RNF115: variants seen among roughly 807,000 people sequenced by gnomAD.
RNF115 encodes the protein ring finger protein 115, also known as E3 ubiquitin-protein ligase RNF115.
Under a neutral mutation model 39.2 loss-of-function variants are expected in RNF115, and 31 were observed. The ratio of observed to expected loss-of-function variants is 0.79; its 90% CI spans 0.59 to 1.07. RNF115 has a LOEUF of 1.07. RNF115 is among the 50% of genes least tolerant of loss of function. The pLI is 0.00. For missense variants in RNF115, 384 were observed against 381.7 expected, an observed-to-expected ratio of 1.01 and a Z score of -0.05; for synonymous variants, 124 against 131.0, an observed-to-expected ratio of 0.95 and a Z score of 0.37.
intron 4 of RNF115, among the ~76,000 whole-genome samples, chr1:145,759,396 T>C (rs1009630146): frequency 6.6e-6 from 1 of 152,208 alleles, no homozygotes; most frequent in African/African-American, 2.4e-5. Context: ...TTACTCCTCC[T>C]AATGTTCCCC....
chr1:145,820,433 G>A (rs1650184465), intron 1 of RNF115, among the ~76,000 whole-genome samples: 2 of 150,988 alleles, frequency 1.3e-5, no homozygotes, highest in African/African-American at 2.4e-5. Flanking sequence ...AATAAATTCT[G>A]TCTCTATTTA....
chr1:145,747,015 T>C lies in RNF115; in HGVS notation c.784-18A>G, dbSNP rs371221232. 27 of 1,605,776 alleles carry C rather than the reference T, an allele frequency of 1.7e-5. No homozygotes were observed. Among genetic ancestry groups the C allele is most frequent in the Middle Eastern group, 1.7e-4 (1 of 6,034 alleles). ...GTGTCATGCTGAAACAGAAAAATAT[T>C]AGTCTATGTGAAGATCCTGGCCTGA... On this transcript the variant is annotated intron_variant, in intron 8 of 8. Transcript: ENST00000582693.
At chr1:145,797,144 C>A (rs782424675) in intron 1 of RNF115, among the ~76,000 whole-genome samples, 7 of 152,182 alleles carry the variant, frequency 4.6e-5, no homozygotes, top group Non-Finnish European at 1.0e-4. Flanking sequence ...TGTTGACCAA[C>A]TTCTCTTCCT....
intron 2 of RNF115, 39 bp downstream of exon 2, chr1:145,788,869 T>C (rs1553718517): frequency 1.4e-6 from 2 of 1,418,668 alleles, no homozygotes; most frequent in South Asian, 2.3e-5. Context: ...ATAGTTTTGA[T>C]AATAGAATGT....
rs1553725045 is a variant in RNF115 at position 145,823,964 on chromosome 1, C to T, written c.-91G>A. ...CGAGCTGCAGTCGTCGCCGCCGCCGCCGCCTCGGTGCGGCCCACCGCTTCA... is the reference window on the plus strand; with the variant it reads ...CGAGCTGCAGTCGTCGCCGCCGCCGTCGCCTCGGTGCGGCCCACCGCTTCA... On this transcript the variant is annotated 5_prime_UTR_variant, in exon 1 of 9. Transcript: ENST00000582693. 3 of 938,284 alleles carry T rather than the reference C, an allele frequency of 3.2e-6. No homozygotes were observed. Among genetic ancestry groups the T allele is most frequent in the African/African-American group, 3.5e-5 (2 of 56,966 alleles). 58.1% of individuals were successfully genotyped at this position (938,284 alleles called of 1,614,324 possible).
chr1:145,762,792 T>C (rs1658584492), intron 4 of RNF115, among the ~76,000 whole-genome samples: 1 of 152,182 alleles, frequency 6.6e-6, no homozygotes, highest in South Asian at 2.1e-4. Context: ...ACATATTCTC[T>C]AGGTGGGAAA....
chr1:145,793,348 A>G (rs1303922546), intron 1 of RNF115, among the ~76,000 whole-genome samples: 3 of 152,234 alleles, frequency 2.0e-5, no homozygotes, highest in African/African-American at 7.2e-5. Flanking sequence ...ATGCAAATAT[A>G]TGAGTTTATC....
intron 4 of RNF115, among the ~76,000 whole-genome samples, chr1:145,756,067 CT>C (rs1222469478): frequency 1.9e-4 from 29 of 152,232 alleles, no homozygotes; most frequent in African/African-American, 6.5e-4. Flanking sequence ...GTAAATGACA[CT>C]AAAATTAAGA....
intron 1 of RNF115, among the ~76,000 whole-genome samples, chr1:145,794,833 C>G (rs1387998343): frequency 6.6e-6 from 1 of 151,498 alleles, no homozygotes; most frequent in Non-Finnish European, 1.5e-5. Flanking sequence ...CTGGCTAACA[C>G]GGTGAAACCC....
intron 6 of RNF115, among the ~76,000 whole-genome samples, chr1:145,750,785 G>C (rs1487058753): frequency 2.6e-5 from 4 of 152,184 alleles, no homozygotes; most frequent in Non-Finnish European, 5.9e-5. Flanking sequence ...GGGTTGTGGT[G>C]TCACGAGTAA....
At chr1:145,756,234 G>T (rs1359669629) in intron 4 of RNF115, among the ~76,000 whole-genome samples, 1 of 152,116 alleles carries the variant, frequency 6.6e-6, no homozygotes, top group African/African-American at 2.4e-5. Flanking sequence ...GTCAAGGCAG[G>T]AGGATCACTT....
chr1:145,746,926 C>T lies in RNF115; in HGVS notation c.855G>A (p.Glu285=). 2 of 1,614,070 alleles carry T rather than the reference C, an allele frequency of 1.2e-6. No individual in the cohort carries two copies. The highest frequency in any genetic ancestry group is 1.7e-6 in the Non-Finnish European group (2 of 1,179,998). ...EDSTRQSQST[E]ASASNRFSND... is the part of the protein sequence containing the mutation. ...TGCTAAATCTGTTGCTTGCAGAGGCCTCAGTGCTCTGGCTTTGCCGAGTAG... is the reference window on the plus strand; with the variant it reads ...TGCTAAATCTGTTGCTTGCAGAGGCTTCAGTGCTCTGGCTTTGCCGAGTAG... The change falls in exon 9 of 9, where the codon GAG becomes GAA. Residue 285 remains glutamate (E), a synonymous_variant. Transcript: ENST00000582693.
intron 4 of RNF115, among the ~76,000 whole-genome samples, chr1:145,753,930 T>C (rs1328844251): frequency 6.6e-6 from 1 of 152,098 alleles, no homozygotes; most frequent in Non-Finnish European, 1.5e-5. Flanking sequence ...TTTCACCATG[T>C]TGACAAAGCT....
chr1:145,795,137 G>A (rs1346098859), intron 1 of RNF115, among the ~76,000 whole-genome samples: 3 of 151,678 alleles, frequency 2.0e-5, no homozygotes, highest in Non-Finnish European at 2.9e-5. Flanking sequence ...GAGTGAAGCC[G>A]CAGACCTTCG....
At chr1:145,759,635 T>C (rs2101487441) in intron 4 of RNF115, among the ~76,000 whole-genome samples, 1 of 152,346 alleles carries the variant, frequency 6.6e-6, no homozygotes, top group Admixed American at 6.5e-5. Context: ...GCTGTGTCTT[T>C]GCCTCGCACA....
Position 145,771,874 on chromosome 1 carries a change from G to C in RNF115, c.265C>G (p.Pro89Ala). 6.2e-7 allele frequency: 1 copy of C among 1,614,046 alleles called. No homozygotes were observed. Among genetic ancestry groups the C allele is most frequent in the Non-Finnish European group, 8.5e-7 (1 of 1,180,000 alleles). ...DHTMFFQDFRPFLSSSPLDQD... is the reference protein window; with the variant it reads ...DHTMFFQDFRAFLSSSPLDQD... ...TCCAGTGGACTGCTACTTAGAAAGG[G>C]TCTAAAATCTTGAAAAAACATCGTG... The change falls in exon 4 of 9, where the codon CCC (proline) becomes GCC (alanine). Residue 89 changes from proline (P) to alanine (A), a missense_variant. Physicochemically the swap from Pro to Ala is conservative, Grantham distance 27. Coordinates refer to ENST00000582693, the MANE Select transcript of RNF115 (RefSeq NM_014455.4).
At chr1:145,805,412 C>T (rs1553721464) in intron 1 of RNF115, among the ~76,000 whole-genome samples, 1 of 151,610 alleles carries the variant, frequency 6.6e-6, no homozygotes, top group East Asian at 1.9e-4. Flanking sequence ...AAAAAATTAT[C>T]CAGGCCAAGT....
chr1:145,798,346 A>C (rs188780522), intron 1 of RNF115, among the ~76,000 whole-genome samples: 79 of 152,194 alleles, frequency 5.2e-4, no homozygotes, highest in Admixed American at 1.4e-3. Flanking sequence ...TTATTTTTAT[A>C]TATAGTGTAA....
intron 2 of RNF115, among the ~76,000 whole-genome samples, chr1:145,785,403 G>GT (rs1648335760): frequency 6.6e-6 from 1 of 152,122 alleles, no homozygotes. Flanking sequence ...ACACTCAAAA[G>GT]TTGTTGAATT....
Sources: gnomAD v4.1 joint callset for allele counts (sites outside exome capture counted in the v4.1 genomes callset) on GRCh38, gnomAD v4.1.1 for gene constraint, MANE v1.5 for transcripts, NCBI Gene and HGNC (gene_info 2026-07-23, HGNC 2026-07-21) for gene names.